ATP6V0A4: variants seen among roughly 807,000 people sequenced by gnomAD.
ATP6V0A4 encodes the protein ATPase H+ transporting V0 subunit a4.
A neutral mutation model predicts 107.3 loss-of-function variants in ATP6V0A4; 86 were observed. That is an observed-to-expected ratio of 0.80 (90% confidence interval 0.67 to 0.96). The LOEUF is 0.96. ATP6V0A4 is among the 40% of genes least tolerant of loss of function. The pLI is 0.00. For synonymous variants in ATP6V0A4, 353 were observed against 381.4 expected, an observed-to-expected ratio of 0.93 and a Z score of 0.87; for missense variants, 908 against 1,045.6, an observed-to-expected ratio of 0.87 and a Z score of 1.81.
In ATP6V0A4 at chr7:138,752,708, C is replaced by T. The variant is rs201744457; in HGVS notation, c.946G>A (p.Val316Ile). 45 of 1,613,938 alleles carry T rather than the reference C, an allele frequency of 2.8e-5. No individual in the cohort carries two copies. In the East Asian group the frequency reaches 4.2e-4, roughly 15 times the overall value. The stretch of plus-strand genomic sequence containing the variant: ...TCGGCGATGACACACTGCTGGGTGA[C>T]GTCGATGTTGCACATGTTCAGGATG... ...YHILNMCNID[V>I]TQQCVIAEIW... Residue 316 changes from valine (V) to isoleucine (I), a missense_variant, in exon 11 of 22, where the codon GTC (valine) becomes ATC (isoleucine). Transcript: ENST00000310018.
chr7:138,788,138 G>A lies in ATP6V0A4; in HGVS notation c.-120-1878C>T, dbSNP rs117079906. Reference sequence around the variant, plus strand: ...TTGACTTGACTATCTGGTTCGCTTCGGTTTTATGTGAACAAAACTGGAGAA... The same window carrying A: ...TTGACTTGACTATCTGGTTCGCTTCAGTTTTATGTGAACAAAACTGGAGAA... On this transcript the variant is annotated intron_variant, in intron 1 of 21. Coordinates refer to ENST00000310018, the MANE Select transcript of ATP6V0A4 (RefSeq NM_020632.3). Among the ~76,000 whole-genome samples, 112 of 152,174 alleles carry A rather than the reference G, an allele frequency of 7.4e-4. No individual in the cohort carries two copies. The East Asian group carries it at 0.014, about 19-fold the overall frequency.
intron 1 of ATP6V0A4, among the ~76,000 whole-genome samples, chr7:138,792,040 G>A (rs1243146675): frequency 3.9e-5 from 6 of 152,196 alleles, no homozygotes; most frequent in Non-Finnish European, 8.8e-5. Flanking sequence ...CAGGTGTGGT[G>A]GCTCACGCCT....
At chr7:138,709,570 G>GC (rs1213806868) in intron 21 of ATP6V0A4, 54 bp downstream of exon 21, 3 of 1,569,632 alleles carry the variant, frequency 1.9e-6, no homozygotes, top group African/African-American at 1.4e-5. Flanking sequence ...TGGCCCCACA[G>GC]CCCACTCCCT....
At chr7:138,708,508 A>C (rs1228275630) in intron 21 of ATP6V0A4, among the ~76,000 whole-genome samples, 3 of 152,182 alleles carry the variant, frequency 2.0e-5, no homozygotes, top group African/African-American at 7.2e-5. Flanking sequence ...GGAAGAAAAC[A>C]TCAGGGCAAG....
rs759114572 is a variant in ATP6V0A4 at position 138,715,744 on chromosome 7, C to G, written c.2257+20G>C. On this transcript the variant is annotated intron_variant, in intron 20 of 21. Transcript: ENST00000310018. Reference sequence around the variant, plus strand: ...GTGTTGGGGAGAGCTGACTGTCCCCCCGATGGGCTGCTCACTCACGTGCAT... The same window carrying G: ...GTGTTGGGGAGAGCTGACTGTCCCCGCGATGGGCTGCTCACTCACGTGCAT... 3.7e-6 allele frequency: 6 copies of G among 1,612,644 alleles called. No homozygotes were observed. The highest frequency in any genetic ancestry group is 4.5e-5 in the East Asian group (2 of 44,804).
At chr7:138,757,268 C>T (rs963110481) in intron 8 of ATP6V0A4, among the ~76,000 whole-genome samples, 10 of 152,168 alleles carry the variant, frequency 6.6e-5, no homozygotes, top group Non-Finnish European at 1.2e-4. Context: ...GTAATCCCAG[C>T]ACTTTGGGAG....
intron 1 of ATP6V0A4, among the ~76,000 whole-genome samples, chr7:138,795,578 G>T (rs986024308): frequency 6.6e-6 from 1 of 152,178 alleles, no homozygotes; most frequent in African/African-American, 2.4e-5. Flanking sequence ...AACATTTCAA[G>T]TGAACTGTAT....
intron 2 of ATP6V0A4, among the ~76,000 whole-genome samples, chr7:138,774,425 G>A (rs1012746219): frequency 6.0e-5 from 9 of 151,230 alleles, no homozygotes; most frequent in African/African-American, 1.7e-4. Flanking sequence ...CTAAAAATAC[G>A]AAAAAATGAG....
chr7:138,756,508 T>A lies in ATP6V0A4; in HGVS notation c.672A>T (p.Ile224=). ...GCCTGAGCTGCTCTCCTTGGTAAAA[T>A]ATGATGAATATGTTCTTCTGAATTT... ...KEEIQKNIFI[I]FYQGEQLRQK... is the part of the protein sequence containing the mutation. Residue 224 remains isoleucine, a synonymous_variant, in exon 9 of 22, where the codon ATA becomes ATT. Transcript: ENST00000310018. The A allele has an allele frequency of 6.2e-7, 1 of 1,612,012 alleles. No homozygotes were observed. The highest frequency in any genetic ancestry group is 8.5e-7 in the Non-Finnish European group (1 of 1,179,184).
At chr7:138,718,613 G>GAGACGTCCAGGA in intron 19 of ATP6V0A4, among the ~76,000 whole-genome samples, 1 of 102,742 alleles carries the variant, frequency 9.7e-6, no homozygotes, top group South Asian at 3.5e-4. Context: ...GAGGAATGGG[G>GAGACGTCCAGGA]AGGAATGGGG....
intron 21 of ATP6V0A4, among the ~76,000 whole-genome samples, chr7:138,707,285 AATTAT>A (rs973983507): frequency 6.6e-5 from 6 of 90,756 alleles, no homozygotes; most frequent in African/African-American, 9.4e-5. Context: ...TCTATATAAT[AATTAT>A]ATTATAAATA....
At chr7:138,766,237 C>T (rs1336534116) in intron 5 of ATP6V0A4, among the ~76,000 whole-genome samples, 1 of 146,836 alleles carries the variant, frequency 6.8e-6, no homozygotes, top group African/African-American at 2.5e-5. Flanking sequence ...CAGTCTTGCT[C>T]TGTCACCCAC....
At position 138,771,177 on chromosome 7, in the gene ATP6V0A4, C is replaced by G; in HGVS notation, c.71G>C (p.Cys24Ser). The change falls in exon 3 of 22, where the codon TGC (cysteine) becomes TCC (serine). Residue 24 changes from cysteine to serine, a missense_variant. Physicochemically the swap from Cys to Ser is moderately radical, Grantham distance 112 (BLOSUM62 -1). Transcript: ENST00000310018. ...GAGCTCTCCGAGCTCAGCCACACAGCAATATGCAGCTTCCACCTGGAGAAA... is the reference window on the plus strand; with the variant it reads ...GAGCTCTCCGAGCTCAGCCACACAGGAATATGCAGCTTCCACCTGGAGAAA... ...QLFLQVEAAY[C>S]CVAELGELGL... 6.2e-7 allele frequency: 1 copy of G among 1,614,188 alleles called. No homozygotes were observed. Among genetic ancestry groups the G allele is most frequent in the Non-Finnish European group, 8.5e-7 (1 of 1,180,042 alleles).
At position 138,752,691 on chromosome 7, in the gene ATP6V0A4, G is replaced by T; in HGVS notation, c.963C>A (p.Val321=). The change falls in exon 11 of 22, where the codon GTC becomes GTA. Residue 321 remains valine (V), a synonymous_variant. Transcript: ENST00000310018. ...CCACCGGGAACCAGATCTCGGCGAT[G>T]ACACACTGCTGGGTGACGTCGATGT... The part of the protein sequence containing the change: ...MCNIDVTQQC[V]IAEIWFPVAD... The T allele has an allele frequency of 6.2e-7, 1 of 1,613,998 alleles. No individual in the cohort carries two copies. The highest frequency in any genetic ancestry group is 8.5e-7 in the Non-Finnish European group (1 of 1,179,930).
At chr7:138,784,275 TATATACATATATATAC>T (rs1301069812) in intron 2 of ATP6V0A4, among the ~76,000 whole-genome samples, 2 of 33,986 alleles carry the variant, frequency 5.9e-5, no homozygotes, top group Non-Finnish European at 1.2e-4. Flanking sequence ...TACATATATA[TATATACATATATATAC>T]ACACACACAC....
intron 14 of ATP6V0A4, among the ~76,000 whole-genome samples, chr7:138,740,090 G>A (rs1321064604): frequency 9.0e-6 from 1 of 110,910 alleles, no homozygotes; most frequent in Non-Finnish European, 1.8e-5. Context: ...GTGAGACTCT[G>A]TTGAAAGGAA....
At chr7:138,755,957 T>G in intron 9 of ATP6V0A4, 175 bp from the exon 10 acceptor site, 1 of 1,157,182 alleles carries the variant, frequency 8.6e-7, no homozygotes, top group East Asian at 2.6e-5. Flanking sequence ...TCCCAGTACG[T>G]CACTTGTGCT....
At chr7:138,762,243 C>A (rs1425919359) in intron 7 of ATP6V0A4, 97 bp downstream of exon 7, 1 of 1,438,214 alleles carries the variant, frequency 7.0e-7, no homozygotes, top group Non-Finnish European at 9.8e-7. Flanking sequence ...GGGAAACAGT[C>A]CCCATTCCAA....
At chr7:138,797,221 T>TC (rs1302956360) in intron 1 of ATP6V0A4, among the ~76,000 whole-genome samples, 12 of 148,448 alleles carry the variant, frequency 8.1e-5, no homozygotes, top group Non-Finnish European at 1.6e-4. Context: ...TTTTTTTTTT[T>TC]TTTTTTTTTT....
Sources: gnomAD v4.1 joint callset for allele counts (sites outside exome capture counted in the v4.1 genomes callset) on GRCh38, gnomAD v4.1.1 for gene constraint, MANE v1.5 for transcripts, NCBI Gene and HGNC (gene_info 2026-07-23, HGNC 2026-07-21) for gene names.